Variants in RAI1 observed in about 807,000 individuals in gnomAD.
The protein encoded by RAI1 is retinoic acid-induced protein 1.
In RAI1, 9 loss-of-function variants were observed where a neutral mutation model predicts 123.8. That is an observed-to-expected ratio of 0.07 (90% confidence interval 0.04 to 0.13). RAI1 has a LOEUF of 0.13. RAI1 is among the 10% of genes least tolerant of loss of function. RAI1 has a pLI of 1.00. For missense variants in RAI1, 2,256 were observed against 2,545.8 expected (o/e 0.89, Z 2.45); for synonymous variants, 1,231 against 1,127.3 (o/e 1.09, Z -1.84).
chr17:17,745,544 C>T (rs1343040722), intron 2 of RAI1, among the ~76,000 whole-genome samples: 3 of 151,938 alleles, frequency 2.0e-5, no homozygotes, highest in African/African-American at 4.8e-5. Context: ...ATTACAGGCA[C>T]GTGCCACCAC....
chr17:17,794,421 G>T lies in RAI1; in HGVS notation c.1473G>T (p.Glu491Asp). The T allele has an allele frequency of 2.5e-6, 4 of 1,613,010 alleles. No homozygotes were observed. In the African/African-American group the frequency reaches 5.3e-5, roughly 21 times the overall value. The change falls in exon 3 of 6, where the codon GAG becomes GAT. Residue 491 changes from glutamate (E) to aspartate (D), a missense_variant. By Grantham distance (45) the Glu-to-Asp change is conservative. Transcript: ENST00000353383. ...CCGAAGGGAGCGGCTACTCAGCCGAGCCCGCAGGCACACCGCTGTCAGAGC... is the reference window on the plus strand; with the variant it reads ...CCGAAGGGAGCGGCTACTCAGCCGATCCCGCAGGCACACCGCTGTCAGAGC... ...CSPEGSGYSA[E>D]PAGTPLSEPP...
At chr17:17,792,308 T>TGTGC (rs1453711783) in intron 2 of RAI1, among the ~76,000 whole-genome samples, 3 of 151,910 alleles carry the variant, frequency 2.0e-5, no homozygotes, top group African/African-American at 7.3e-5. Flanking sequence ...GAGGTGTGTG[T>TGTGC]GTGCATGCGT....
chr17:17,749,735 T>C (rs1424061547), intron 2 of RAI1, among the ~76,000 whole-genome samples: 1 of 152,204 alleles, frequency 6.6e-6, no homozygotes, highest in African/African-American at 2.4e-5. Flanking sequence ...TGCCCTGGTT[T>C]ATTTACTAAG....
In RAI1 at chr17:17,800,180, GTCTCTCTCTCTCTCTCTCTCTCTC is replaced by G. The variant is rs58147049; in HGVS notation, c.5565+1692_5565+1715del. Among the ~76,000 whole-genome samples, 3 of 116,392 alleles carry G rather than the reference GTCTCTCTCTCTCTCTCTCTCTCTC, an allele frequency of 2.6e-5. No homozygotes were observed. The highest frequency in any genetic ancestry group is 6.0e-5 in the African/African-American group (2 of 33,446). 76.4% of individuals were successfully genotyped at this position (116,392 alleles called of 152,430 possible). On this transcript the variant is annotated intron_variant, in intron 3 of 5. Transcript: ENST00000353383. This position sits in a 1 kb window ranked among gnomAD's most constrained non-coding sequence, Gnocchi z 4.7. ...TCTCTCCTGCTTTCTGTCTCTCTCT[GTCTCTCTCTCTCTCTCTCTCTCTC>G]TCTCTCTCTCTCTCTCTCTCTCTCA...
At position 17,685,309 on chromosome 17, in the gene RAI1, G is replaced by A. The variant is rs558922542; in HGVS notation, c.-149+3516G>A. ...TTTCCAAAGTTCTGTGCTTAATGTC[G>A]GGGTCCAAGCAGGAAGCATCCCTGC... On this transcript the variant is annotated intron_variant, in intron 1 of 5. Coordinates refer to ENST00000353383, the MANE Select transcript of RAI1 (RefSeq NM_030665.4). This position sits in a 1 kb window ranked among gnomAD's most constrained non-coding sequence, Gnocchi z 4.0. Among the ~76,000 whole-genome samples the A allele has an allele frequency of 5.3e-4, 81 of 152,338 alleles. 1 individual carries two copies. Among genetic ancestry groups the A allele is most frequent in the African/African-American group, 1.8e-3 (76 of 41,576 alleles).
At chr17:17,727,461 G>C (rs1916133399) in intron 2 of RAI1, among the ~76,000 whole-genome samples, 1 of 152,230 alleles carries the variant, frequency 6.6e-6, no homozygotes, top group African/African-American at 2.4e-5. Context: ...GCTTACCCCT[G>C]GTGCCGCCAG....
Position 17,800,436 on chromosome 17 carries a change from G to A in RAI1, c.5565+1923G>A, listed in dbSNP as rs2032423224. ...TCACGTCCCACCAGGCTGAGATCAG[G>A]TCGTCTCCACATCCCCTGCAGCCAG... On this transcript the variant is annotated intron_variant, in intron 3 of 5. Transcript: ENST00000353383. The surrounding 1 kb of genome is among the most constrained non-coding windows in gnomAD (Gnocchi z 4.7). Among the ~76,000 whole-genome samples the A allele has an allele frequency of 6.6e-6, 1 of 152,162 alleles. No individual in the cohort carries two copies. Among genetic ancestry groups the A allele is most frequent in the African/African-American group, 2.4e-5 (1 of 41,438 alleles).
chr17:17,736,098 C>T (rs996677136), intron 2 of RAI1, among the ~76,000 whole-genome samples: 4 of 152,224 alleles, frequency 2.6e-5, no homozygotes, highest in South Asian at 2.1e-4. Context: ...GTGTGCATTG[C>T]GCATGGCCCT....
At chr17:17,746,232 C>T (rs1482035808) in intron 2 of RAI1, among the ~76,000 whole-genome samples, 1 of 152,238 alleles carries the variant, frequency 6.6e-6, no homozygotes, top group Non-Finnish European at 1.5e-5. Context: ...CTCGCCATCT[C>T]CGATGCTCAG....
Position 17,798,463 on chromosome 17 carries a change from G to T in RAI1, c.5515G>T (p.Ala1839Ser). 6.2e-7 allele frequency: 1 copy of T among 1,606,480 alleles called. No homozygotes were observed. The highest frequency in any genetic ancestry group is 8.5e-7 in the Non-Finnish European group (1 of 1,179,876). The change falls in exon 3 of 6, where the codon GCC (alanine) becomes TCC (serine). Residue 1839 changes from alanine (A) to serine (S), a missense_variant. Physicochemically the swap from Ala to Ser is moderately conservative, Grantham distance 99. This residue lies in a region of RAI1 where 243 missense variants were observed against 316.6 expected (regional missense o/e 0.77). Coordinates refer to ENST00000353383, the MANE Select transcript of RAI1 (RefSeq NM_030665.4). ...AVWTGGVYLV[A>S]GKLFGLQEAM... ...GTGGACCGGCGGCGTCTACCTGGTG[G>T]CCGGGAAGCTCTTTGGGCTGCAGGA...
chr17:17,740,112 C>T (rs986845650), intron 2 of RAI1, among the ~76,000 whole-genome samples: 2 of 152,190 alleles, frequency 1.3e-5, no homozygotes, highest in Non-Finnish European at 2.9e-5. Flanking sequence ...GGTGTTCACC[C>T]GCATGGGGTA....
rs2032209567 is a variant in RAI1, at chr17:17,795,654, G to A, written c.2706G>A (p.Glu902=). Residue 902 remains glutamate, a synonymous_variant, in exon 3 of 6, where the codon GAG becomes GAA. Coordinates refer to ENST00000353383, the MANE Select transcript of RAI1 (RefSeq NM_030665.4). This position sits in a 1 kb window ranked among gnomAD's most constrained non-coding sequence, Gnocchi z 5.9. ...SPKAPLICTK[E]EVEEVLDSKA... is the part of the protein sequence containing the mutation. Reference sequence around the variant, plus strand: ...AGGCCCCACTCATCTGCACCAAGGAGGAGGTGGAGGAGGTGCTGGACTCCA... The same window carrying A: ...AGGCCCCACTCATCTGCACCAAGGAAGAGGTGGAGGAGGTGCTGGACTCCA... The A allele has an allele frequency of 6.2e-7, 1 of 1,612,820 alleles. No individual in the cohort carries two copies. Among genetic ancestry groups the A allele is most frequent in the Admixed American group, 1.7e-5 (1 of 59,996 alleles).
In RAI1 at chr17:17,795,938, G is replaced by A; in HGVS notation, c.2990G>A (p.Ser997Asn). 6.2e-7 allele frequency: 1 copy of A among 1,608,302 alleles called. No individual in the cohort carries two copies. Among genetic ancestry groups the A allele is most frequent in the Non-Finnish European group, 8.5e-7 (1 of 1,179,066 alleles). ...AAAGAGCCTGTGCCACGGGGCAAAA[G>A]CTTACGGAGCCGTCGGGTGCACCGG... is the stretch of plus-strand genomic sequence containing the variant. Reference protein sequence around the residue: ...AKKEPVPRGKSLRSRRVHRGL... With the variant: ...AKKEPVPRGKNLRSRRVHRGL... Residue 997 changes from serine (S) to asparagine (N), a missense_variant, in exon 3 of 6, where the codon AGC becomes AAC. Coordinates refer to ENST00000353383, the MANE Select transcript of RAI1 (RefSeq NM_030665.4). The surrounding 1 kb of genome is among the most constrained non-coding windows in gnomAD (Gnocchi z 5.9).
chr17:17,690,389 C>CAAA (rs34265723), intron 1 of RAI1, among the ~76,000 whole-genome samples: 3 of 122,320 alleles, frequency 2.5e-5, no homozygotes, highest in African/African-American at 9.1e-5. Context: ...GACCTTGTCT[C>CAAA]AAAAAAAAAA....
intron 3 of RAI1, chr17:17,802,076 T>C: frequency 2.1e-6 from 1 of 470,914 alleles, no homozygotes; most frequent in Non-Finnish European, 4.4e-6. Context: ...TGGTGACTTC[T>C]CCCTCCCCGG....
At position 17,772,911 on chromosome 17, in the gene RAI1, G is replaced by A. The variant is rs186325408; in HGVS notation, c.-16-20022G>A. 1.4e-3 allele frequency among the ~76,000 whole-genome samples: 217 copies of A among 152,256 alleles called. 1 individual carries two copies. The highest frequency in any genetic ancestry group is 4.5e-3 in the African/African-American group (189 of 41,542). ...GGTATGTGCAAGGGTGGATGGGCAGGTGGGTATGTGTGCATGGATGCATGG... is the reference window on the plus strand; with the variant it reads ...GGTATGTGCAAGGGTGGATGGGCAGATGGGTATGTGTGCATGGATGCATGG... On this transcript the variant is annotated intron_variant, in intron 2 of 5. Coordinates refer to ENST00000353383, the MANE Select transcript of RAI1 (RefSeq NM_030665.4).
chr17:17,699,173 C>T (rs143116527), intron 1 of RAI1, among the ~76,000 whole-genome samples: 42 of 152,322 alleles, frequency 2.8e-4, no homozygotes, highest in Admixed American at 6.5e-4. Flanking sequence ...TTCTGGCTCC[C>T]GTCACCTCTG....
chr17:17,704,370 C>T (rs190093819), intron 1 of RAI1, among the ~76,000 whole-genome samples: 4 of 152,294 alleles, frequency 2.6e-5, no homozygotes, highest in African/African-American at 7.2e-5. Flanking sequence ...TAGCATTGGA[C>T]GCCTGAAAGT....
At chr17:17,734,834 A>G (rs570053101) in intron 2 of RAI1, among the ~76,000 whole-genome samples, 34 of 152,282 alleles carry the variant, frequency 2.2e-4, no homozygotes, top group African/African-American at 7.9e-4. Flanking sequence ...GTGTTCTGAC[A>G]CCAGCTCGCG....
Sources: gnomAD v4.1 joint callset for allele counts (sites outside exome capture counted in the v4.1 genomes callset) on GRCh38, gnomAD v4.1.1 for gene constraint, gnomAD v4.1.1 regional missense constraint, Gnocchi (gnomAD v3.1) non-coding constraint, MANE v1.5 for transcripts, NCBI Gene and HGNC (gene_info 2026-07-23, HGNC 2026-07-21) for gene names.